The following HIVEP2 variants were observed in gnomAD, a reference collection of about 807,000 sequenced individuals.
The protein encoded by HIVEP2 is HIVEP zinc finger 2, also known as transcription factor HIVEP2.
Under a neutral mutation model 180.7 loss-of-function variants are expected in HIVEP2, and 14 were observed. The observed-to-expected ratio is 0.08, with a 90% CI of 0.05 to 0.12. The LOEUF (loss-of-function observed/expected upper bound fraction) is 0.12, where lower values mean the gene tolerates loss of function less well. Among genes scored for constraint, HIVEP2 ranks in the 10% least tolerant of loss-of-function variants. The probability of loss-of-function intolerance (pLI) is 1.00; values close to 1 mark genes in which losing one functional copy is unlikely to be tolerated. For missense variants in HIVEP2, 2,579 were observed against 3,008.5 expected (o/e 0.86, Z 3.34); for synonymous variants, 1,184 against 1,136.4 (o/e 1.04, Z -0.84).
At chr6:142,902,543 T>C (rs989569440) in intron 1 of HIVEP2, among the ~76,000 whole-genome samples, 2 of 152,252 alleles carry the variant, frequency 1.3e-5, no homozygotes, top group South Asian at 4.1e-4. Context: ...GAATAGCCTT[T>C]TTAAGATAGT....
rs1176416454 is a variant in HIVEP2 at position 142,770,648 on chromosome 6, A to G, written c.4091T>C (p.Ile1364Thr). The G allele has an allele frequency of 1.9e-6, 3 of 1,614,234 alleles. No individual in the cohort carries two copies. Among genetic ancestry groups the G allele is most frequent in the Non-Finnish European group, 2.5e-6 (3 of 1,180,048 alleles). ...ATTCTCATCGACTTTGCATATGACA[A>G]TGGCAGGGCTATTCTGCCCAAGTAT... ...SQILGQNSPA[I>T]VICKVDENMT... The change falls in exon 5 of 10, where the codon ATT (isoleucine) becomes ACT (threonine). Residue 1364 changes from isoleucine to threonine, a missense_variant. Physicochemically the swap from Ile to Thr is moderately conservative, Grantham distance 89 (BLOSUM62 -1). This residue lies in a region of HIVEP2 where 523 missense variants were observed against 577.0 expected (regional missense o/e 0.91). Transcript: ENST00000367603. The surrounding 1 kb of genome is among the most constrained non-coding windows in gnomAD (Gnocchi z 4.7).
chr6:142,916,649 C>A (rs138851044), intron 1 of HIVEP2, among the ~76,000 whole-genome samples: 9 of 152,182 alleles, frequency 5.9e-5, no homozygotes, highest in Non-Finnish European at 1.2e-4. Flanking sequence ...TCTCTCCTGG[C>A]ACCTTAAAAG....
chr6:142,854,247 G>T lies in HIVEP2; in HGVS notation c.-640-17200C>A, dbSNP rs764366221. Among the ~76,000 whole-genome samples, 3 of 152,078 alleles carry T rather than the reference G, an allele frequency of 2.0e-5. No individual in the cohort carries two copies. The East Asian group carries it at 5.8e-4, about 29-fold the overall frequency. ...TTGCCAAGACTGGGAGTGGGAAGGG[G>T]TATGCTATTGTACCCTGGTGGGTAG... On this transcript the variant is annotated intron_variant, in intron 1 of 9. Coordinates refer to ENST00000367603, the MANE Select transcript of HIVEP2 (RefSeq NM_006734.4).
intron 1 of HIVEP2, among the ~76,000 whole-genome samples, chr6:142,906,718 G>A (rs185417814): frequency 6.6e-6 from 1 of 152,192 alleles, no homozygotes; most frequent in Non-Finnish European, 1.5e-5. Context: ...ATGGTAATAT[G>A]CAAAATGAAA....
intron 1 of HIVEP2, among the ~76,000 whole-genome samples, chr6:142,897,711 G>C (rs1777033711): frequency 6.6e-6 from 1 of 152,194 alleles, no homozygotes; most frequent in Non-Finnish European, 1.5e-5. Flanking sequence ...CTGGAAAAGG[G>C]CAAGAGATGT....
At chr6:142,793,656 C>CTTTCTTTCTTTTTCTTTT (rs1269273663) in intron 2 of HIVEP2, among the ~76,000 whole-genome samples, 2 of 77,334 alleles carry the variant, frequency 2.6e-5, no homozygotes, top group Non-Finnish European at 2.7e-5. Context: ...TTCTTTCTTT[C>CTTTCTTTCTTTTTCTTTT]TTTTTTCTTT....
At chr6:142,921,766 A>G (rs1439728805) in intron 1 of HIVEP2, among the ~76,000 whole-genome samples, 1 of 152,220 alleles carries the variant, frequency 6.6e-6, no homozygotes, top group Non-Finnish European at 1.5e-5. Flanking sequence ...AGGATTGTCA[A>G]ACTTCTTTTG....
chr6:142,924,386 AG>A (rs1211018493), intron 1 of HIVEP2, among the ~76,000 whole-genome samples: 1 of 152,216 alleles, frequency 6.6e-6, no homozygotes, highest in African/African-American at 2.4e-5. Context: ...TTAGGCATTC[AG>A]AGAGGAAAAG....
intron 2 of HIVEP2, among the ~76,000 whole-genome samples, chr6:142,834,930 G>A (rs1775186932): frequency 6.6e-6 from 1 of 152,030 alleles, no homozygotes; most frequent in East Asian, 1.9e-4. Flanking sequence ...TATGCATCAC[G>A]AAAATGCTTA....
At chr6:142,931,571 A>G (rs1777942618) in intron 1 of HIVEP2, among the ~76,000 whole-genome samples, 1 of 152,128 alleles carries the variant, frequency 6.6e-6, no homozygotes, top group African/African-American at 2.4e-5. Flanking sequence ...TCATGATTAA[A>G]GTCACTATCC....
chr6:142,930,981 G>A lies in HIVEP2; in HGVS notation c.-641+14118C>T, dbSNP rs142299974. 1.5e-3 allele frequency among the ~76,000 whole-genome samples: 229 copies of A among 152,102 alleles called. 1 individual carries two copies. The highest frequency in any genetic ancestry group is 5.2e-3 in the African/African-American group (217 of 41,506). ...TTAAAAGAAAAGTTCCAAAATCAAA[G>A]TACCCACTCAGGAAACAATAACTTC... is the stretch of plus-strand genomic sequence containing the variant. On this transcript the variant is annotated intron_variant, in intron 1 of 9. Coordinates refer to ENST00000367603, the MANE Select transcript of HIVEP2 (RefSeq NM_006734.4).
chr6:142,797,003 T>C (rs1776295307), intron 2 of HIVEP2, among the ~76,000 whole-genome samples: 1 of 152,198 alleles, frequency 6.6e-6, no homozygotes, highest in Non-Finnish European at 1.5e-5. Flanking sequence ...TCTCTCATCA[T>C]GAATGGTGCC....
At chr6:142,868,883 G>A (rs1776213402) in intron 1 of HIVEP2, among the ~76,000 whole-genome samples, 1 of 152,222 alleles carries the variant, frequency 6.6e-6, no homozygotes, top group South Asian at 2.1e-4. Flanking sequence ...GATAAGTATT[G>A]CCTCTGTAAG....
chr6:142,854,542 T>A (rs1775769729), intron 1 of HIVEP2, among the ~76,000 whole-genome samples: 1 of 152,192 alleles, frequency 6.6e-6, no homozygotes, highest in South Asian at 2.1e-4. Flanking sequence ...ACCCATAGTA[T>A]TCTTCAGAAT....
chr6:142,764,454 A>G (rs1775330872), intron 7 of HIVEP2, among the ~76,000 whole-genome samples: 1 of 152,228 alleles, frequency 6.6e-6, no homozygotes, highest in Admixed American at 6.5e-5. Flanking sequence ...TTGCTTCTCT[A>G]ATACCACTGC....
intron 1 of HIVEP2, among the ~76,000 whole-genome samples, chr6:142,880,466 C>A (rs922712814): frequency 2.0e-5 from 3 of 152,152 alleles, no homozygotes; most frequent in Non-Finnish European, 4.4e-5. Context: ...CAGTCACCAG[C>A]GTGTCCTACA....
intron 2 of HIVEP2, among the ~76,000 whole-genome samples, chr6:142,790,808 G>T (rs1776119731): frequency 6.6e-6 from 1 of 152,178 alleles, no homozygotes; most frequent in Non-Finnish European, 1.5e-5. Context: ...TTTGAGGGAA[G>T]ATCCTCCTGC....
Position 142,773,121 on chromosome 6 carries a change from G to T in HIVEP2, c.1618C>A (p.Leu540Ile), listed in dbSNP as rs762752458. The T allele has an allele frequency of 6.2e-7, 1 of 1,614,210 alleles. No homozygotes were observed. The highest frequency in any genetic ancestry group is 1.7e-5 in the Admixed American group (1 of 60,032). The change falls in exon 5 of 10, where the codon CTT becomes ATT. Residue 540 changes from leucine (L) to isoleucine (I), a missense_variant. This residue lies in a region of HIVEP2 where 524 missense variants were observed against 563.6 expected (regional missense o/e 0.93). Coordinates refer to ENST00000367603, the MANE Select transcript of HIVEP2 (RefSeq NM_006734.4). ...LLEAPVDSSPLIRSNSVPTSS... is the reference protein window; with the variant it reads ...LLEAPVDSSPIIRSNSVPTSS... The stretch of plus-strand genomic sequence containing the variant: ...GTTGGCACTGAGTTGCTTCTAATAA[G>T]GGGTGAAGAGTCTACAGGAGCTTCT...
chr6:142,804,786 C>A (rs1776505137), intron 2 of HIVEP2, among the ~76,000 whole-genome samples: 1 of 151,816 alleles, frequency 6.6e-6, no homozygotes, highest in Admixed American at 6.6e-5. Context: ...ATCCTTTTAA[C>A]AAAATAAGGC....
Sources: allele counts gnomAD v4.1 joint callset (sites outside exome capture counted in the v4.1 genomes callset), GRCh38; gene constraint gnomAD v4.1.1; regional missense constraint gnomAD v4.1.1; non-coding constraint Gnocchi (gnomAD v3.1); transcripts MANE v1.5; gene names NCBI Gene and HGNC (gene_info 2026-07-23, HGNC 2026-07-21).